The following CPXM2 variants were observed in gnomAD, a reference collection of about 807,000 sequenced individuals.
The protein encoded by CPXM2 is carboxypeptidase X, M14 family member 2.
In CPXM2, 66 loss-of-function variants were observed where a neutral mutation model predicts 86.1. The ratio of observed to expected loss-of-function variants is 0.77; its 90% CI spans 0.63 to 0.94. The LOEUF (loss-of-function observed/expected upper bound fraction) is 0.94. Among genes scored for constraint, CPXM2 ranks in the 40% least tolerant of loss-of-function variants. The pLI, the probability that CPXM2 is intolerant of heterozygous loss-of-function variation, is 0.00. For missense variants in CPXM2, 948 were observed against 1,026.3 expected (o/e 0.92, Z 1.04); for synonymous variants, 388 against 400.2 (o/e 0.97, Z 0.36).
intron 4 of CPXM2, 81 bp downstream of exon 4, chr10:123,842,268 C>A: frequency 6.4e-7 from 1 of 1,562,502 alleles, no homozygotes; most frequent in Non-Finnish European, 8.7e-7. Flanking sequence ...CTCTCTGCAA[C>A]TTCCAGACCT....
Position 123,797,966 on chromosome 10 carries a change from G to A in CPXM2, c.889+10C>T, listed in dbSNP as rs545892868. 11 of 1,590,758 alleles carry A rather than the reference G, an allele frequency of 6.9e-6. No individual in the cohort carries two copies. In the South Asian group the frequency reaches 1.2e-4, roughly 17 times the overall value. ...CCCACCCTGCAGGAAGCACAGGAGGGTGAACTCACCTGGCAGTGGGCAGCC... is the reference window on the plus strand; with the variant it reads ...CCCACCCTGCAGGAAGCACAGGAGGATGAACTCACCTGGCAGTGGGCAGCC... On this transcript the variant is annotated intron_variant, in intron 6 of 13. Transcript: ENST00000241305.
At chr10:123,789,746 G>A (rs1011039659) in intron 6 of CPXM2, among the ~76,000 whole-genome samples, 6 of 152,172 alleles carry the variant, frequency 3.9e-5, no homozygotes, top group African/African-American at 1.2e-4. Context: ...TGATGCAGTA[G>A]CCCCTACTGC....
chr10:123,855,577 G>A (rs1471070521), intron 3 of CPXM2, among the ~76,000 whole-genome samples: 1 of 152,162 alleles, frequency 6.6e-6, no homozygotes, highest in East Asian at 1.9e-4. Flanking sequence ...CAAGAGCACT[G>A]GGGCCAAAAG....
intron 3 of CPXM2, among the ~76,000 whole-genome samples, chr10:123,859,398 GC>G (rs1022091046): frequency 1.3e-5 from 2 of 152,220 alleles, no homozygotes; most frequent in African/African-American, 4.8e-5. Flanking sequence ...ACAAAAGTGG[GC>G]TGACCTCGTC....
intron 11 of CPXM2, among the ~76,000 whole-genome samples, chr10:123,760,567 AAC>A (rs1485369015): frequency 6.6e-6 from 1 of 152,218 alleles, no homozygotes; most frequent in Non-Finnish European, 1.5e-5. Context: ...CTGAGTTTCT[AAC>A]AAAGTCAAAT....
chr10:123,897,308 T>C (rs1345817590), intron 2 of CPXM2, among the ~76,000 whole-genome samples: 1 of 152,106 alleles, frequency 6.6e-6, no homozygotes, highest in African/African-American at 2.4e-5. Flanking sequence ...TCCTGCTGGG[T>C]CTCTGACTGA....
intron 2 of CPXM2, among the ~76,000 whole-genome samples, chr10:123,930,448 TGTGCCAGGGACCAGGACTG>T: frequency 6.6e-6 from 1 of 152,248 alleles, no homozygotes; most frequent in Admixed American, 6.5e-5. Context: ...CAGTTCTCCC[TGTGCCAGGGACCAGGACTG>T]CAGGAGAGGC....
At chr10:123,845,526 G>C (rs564674912) in intron 3 of CPXM2, among the ~76,000 whole-genome samples, 3 of 152,026 alleles carry the variant, frequency 2.0e-5, no homozygotes, top group Non-Finnish European at 4.4e-5. Context: ...AAATAGAAAG[G>C]CTTTCTATTT....
At chr10:123,777,891 G>A (rs1389494642) in intron 7 of CPXM2, 1 of 152,158 alleles carries the variant, frequency 6.6e-6, no homozygotes, top group East Asian at 1.9e-4. Flanking sequence ...TTCCCTCATT[G>A]TCCCAAGTGA....
At chr10:123,904,744 A>C (rs870577) in intron 2 of CPXM2, among the ~76,000 whole-genome samples, 110,305 of 151,988 alleles carry the variant, frequency 0.73, 40,748 homozygotes, top group African/African-American at 0.85. Flanking sequence ...TCAGTATCAC[A>C]CTCTTGTGCA....
intron 6 of CPXM2, among the ~76,000 whole-genome samples, chr10:123,793,652 C>CA (rs1272588930): frequency 2.0e-5 from 3 of 152,030 alleles, no homozygotes; most frequent in Non-Finnish European, 2.9e-5. Context: ...CTATGCCCAT[C>CA]AAAAAGAAGC....
intron 1 of CPXM2, among the ~76,000 whole-genome samples, chr10:123,881,230 T>TCCCCCCCCCCC (rs1564811045): frequency 1.2e-4 from 8 of 66,896 alleles, no homozygotes; most frequent in Non-Finnish European, 1.8e-4. Flanking sequence ...GGAGCACCCT[T>TCCCCCCCCCCC]CTCTTCCCTT....
intron 2 of CPXM2, among the ~76,000 whole-genome samples, chr10:123,921,323 A>G (rs1945578186): frequency 6.6e-6 from 1 of 152,210 alleles, no homozygotes; most frequent in Admixed American, 6.5e-5. Context: ...ATTATTAGAC[A>G]TTATAGATTT....
At chr10:123,918,624 T>G (rs921660431) in intron 2 of CPXM2, among the ~76,000 whole-genome samples, 1 of 152,140 alleles carries the variant, frequency 6.6e-6, no homozygotes, top group Non-Finnish European at 1.5e-5. Context: ...GAAGGGCAGC[T>G]CTTGCAGTGC....
chr10:123,747,890 C>T (rs1319796912), intron 13 of CPXM2, among the ~76,000 whole-genome samples: 2 of 146,074 alleles, frequency 1.4e-5, no homozygotes, highest in African/African-American at 2.6e-5. Flanking sequence ...CCACTGCACT[C>T]CAGCCTGGGC....
At chr10:123,822,223 T>G (rs1847940181) in intron 4 of CPXM2, among the ~76,000 whole-genome samples, 1 of 152,258 alleles carries the variant, frequency 6.6e-6, no homozygotes, top group Non-Finnish European at 1.5e-5. Context: ...CTGGACAAAG[T>G]TAACCTGTTC....
At chr10:123,778,283 C>T (rs918610008) in intron 7 of CPXM2, among the ~76,000 whole-genome samples, 2 of 152,224 alleles carry the variant, frequency 1.3e-5, no homozygotes, top group Non-Finnish European at 2.9e-5. Flanking sequence ...AAGATTTCTA[C>T]AGTAACCTAG....
chr10:123,748,762 C>A (rs1370663465), intron 13 of CPXM2, among the ~76,000 whole-genome samples: 1 of 152,120 alleles, frequency 6.6e-6, no homozygotes, highest in Non-Finnish European at 1.5e-5. Context: ...CATCAGGTGA[C>A]TCGAGCCTCG....
intron 2 of CPXM2, among the ~76,000 whole-genome samples, chr10:123,933,578 G>A (rs112822351): frequency 2.4e-4 from 36 of 151,986 alleles, no homozygotes; most frequent in African/African-American, 8.0e-4. Context: ...ATTAGCCAGG[G>A]GTGGTGGCAT....
Sources: allele counts gnomAD v4.1 joint callset (sites outside exome capture counted in the v4.1 genomes callset), GRCh38; gene constraint gnomAD v4.1.1; transcripts MANE v1.5; gene names NCBI Gene and HGNC (gene_info 2026-07-23, HGNC 2026-07-21).